Variants in FBXL2 observed in about 807,000 individuals in gnomAD.
FBXL2 encodes F-box/LRR-repeat protein 2.
Under a neutral mutation model 69.2 loss-of-function variants are expected in FBXL2, and 38 were observed. The ratio of observed to expected loss-of-function variants is 0.55; its 90% CI spans 0.42 to 0.72. FBXL2 has a LOEUF of 0.72. Ranked by LOEUF, FBXL2 falls within the 30% of genes least tolerant of loss-of-function variation. The pLI, the probability that FBXL2 is intolerant of heterozygous loss-of-function variation, is 0.00. For synonymous variants in FBXL2, 192 were observed against 201.3 expected, an observed-to-expected ratio of 0.95 and a Z score of 0.39; for missense variants, 354 against 520.3, an observed-to-expected ratio of 0.68 and a Z score of 3.11.
downstream of FBXL2, chr3:33,390,096 T>C (rs761221728): frequency 1.7e-4 from 84 of 497,604 alleles, no homozygotes; most frequent in Non-Finnish European, 2.8e-4. Context: ...CACCGTGGCC[T>C]CCAGAGCTGG....
At chr3:33,420,542 G>A in the FBXL2 span, among the ~76,000 whole-genome samples, 1 of 146,436 alleles carries the variant, frequency 6.8e-6, no homozygotes, top group South Asian at 2.2e-4. Flanking sequence ...AGGCTGGAGT[G>A]CAGTGGCACA....
intron 1 of FBXL2, among the ~76,000 whole-genome samples, chr3:33,279,808 CACA>C (rs1392112356): frequency 6.6e-6 from 1 of 152,006 alleles, no homozygotes; most frequent in African/African-American, 2.4e-5. Flanking sequence ...CGTAAATGAT[CACA>C]ACAACCTTGT....
At chr3:33,297,242 A>G (rs886404536) in intron 1 of FBXL2, among the ~76,000 whole-genome samples, 1 of 152,120 alleles carries the variant, frequency 6.6e-6, no homozygotes, top group African/African-American at 2.4e-5. Context: ...ATATAACTAT[A>G]TTGTATATTT....
intron 2 of FBXL2, among the ~76,000 whole-genome samples, chr3:33,357,280 C>T (rs2041267790): frequency 6.6e-6 from 1 of 152,020 alleles, no homozygotes; most frequent in South Asian, 2.1e-4. Flanking sequence ...GAACCCAATC[C>T]CTGCATGAAA....
chr3:33,356,641 C>T (rs2041224899), intron 2 of FBXL2, among the ~76,000 whole-genome samples: 1 of 152,110 alleles, frequency 6.6e-6, no homozygotes, highest in South Asian at 2.1e-4. Context: ...AGCCACTGTG[C>T]CCATCCTGCT....
downstream of FBXL2, chr3:33,389,224 T>C (rs1399012117): frequency 6.6e-6 from 1 of 152,642 alleles, no homozygotes; most frequent in African/African-American, 2.4e-5. Context: ...CCCTAAATCA[T>C]CACCAGAATG....
chr3:33,299,689 T>C (rs1260233387), intron 2 of FBXL2, among the ~76,000 whole-genome samples: 1 of 152,168 alleles, frequency 6.6e-6, no homozygotes, highest in East Asian at 1.9e-4. Flanking sequence ...TTTGACACTG[T>C]TGTCATGAGC....
intron 2 of FBXL2, among the ~76,000 whole-genome samples, chr3:33,338,882 G>A (rs1057317386): frequency 6.6e-6 from 1 of 152,036 alleles, no homozygotes; most frequent in Admixed American, 6.6e-5. Context: ...GCTTCATGAC[G>A]AAGGCTCCAA....
chr3:33,281,166 G>T (rs1272975975), intron 1 of FBXL2, among the ~76,000 whole-genome samples: 3 of 152,094 alleles, frequency 2.0e-5, no homozygotes, highest in Non-Finnish European at 4.4e-5. Flanking sequence ...TTTACATTAG[G>T]TATATCTCCT....
intron 12 of FBXL2, chr3:33,397,583 G>GT (rs1451998447): frequency 6.6e-6 from 1 of 152,476 alleles, no homozygotes; most frequent in African/African-American, 2.4e-5. Flanking sequence ...CCTAAAGTCT[G>GT]TAAGAGTTGG....
At chr3:33,345,730 A>G (rs969624501) in intron 2 of FBXL2, among the ~76,000 whole-genome samples, 5 of 152,240 alleles carry the variant, frequency 3.3e-5, no homozygotes, top group African/African-American at 1.2e-4. Flanking sequence ...CTAGAAATCA[A>G]TAACAGAAAG....
rs565963502 is a variant in FBXL2 at position 33,377,600 on chromosome 3, A to G, written c.849+267A>G. ...GGCAGGAGACTCCATTCCTCATTGG[A>G]CCCCAACTTGGCCTCTCAGCAGCTC... is the stretch of plus-strand genomic sequence containing the variant. On this transcript the variant is annotated intron_variant, in intron 11 of 14. Transcript: ENST00000484457. 1.2e-4 allele frequency among the ~76,000 whole-genome samples: 18 copies of G among 152,038 alleles called. No individual in the cohort carries two copies. The East Asian group carries it at 2.7e-3, about 23-fold the overall frequency.
At chr3:33,383,934 C>G (rs1406049691) in intron 13 of FBXL2, 55 bp from the exon 14 acceptor site, 1 of 1,568,218 alleles carries the variant, frequency 6.4e-7, no homozygotes, top group Non-Finnish European at 8.8e-7. Flanking sequence ...TTTTTTAGGA[C>G]TTGAGCCTTG....
intron 1 of FBXL2, among the ~76,000 whole-genome samples, chr3:33,289,435 A>G (rs1369882550): frequency 6.6e-6 from 1 of 152,238 alleles, no homozygotes; most frequent in Non-Finnish European, 1.5e-5. Flanking sequence ...GAAAAGTCAG[A>G]GAAGGTACAA....
At chr3:33,332,348 A>T (rs1381471338) in intron 2 of FBXL2, among the ~76,000 whole-genome samples, 3 of 152,254 alleles carry the variant, frequency 2.0e-5, no homozygotes, top group African/African-American at 7.2e-5. Flanking sequence ...ATAATGGTAC[A>T]GCCACTGCAG....
rs548714091 is a variant in FBXL2 at position 33,378,840 on chromosome 3, A to G, written c.951+99A>G. ...TTGGGTTCTCTTTCTGTAAGGTATC[A>G]TCTCTCTTGATTTCAAAAATCTATT... On this transcript the variant is annotated intron_variant, in intron 13 of 14. Transcript: ENST00000484457. 154 of 1,596,428 alleles carry G rather than the reference A, an allele frequency of 9.6e-5. 2 individuals carry two copies. The East Asian group carries it at 2.6e-3, about 27-fold the overall frequency.
chr3:33,358,217 A>G (rs1559599390), intron 2 of FBXL2, among the ~76,000 whole-genome samples: 1 of 152,102 alleles, frequency 6.6e-6, no homozygotes, highest in Non-Finnish European at 1.5e-5. Flanking sequence ...CCTTCTTCTC[A>G]CAGAAAAGCT....
At chr3:33,394,653 T>G (rs1385780305) in intron 12 of FBXL2, among the ~76,000 whole-genome samples, 1 of 152,134 alleles carries the variant, frequency 6.6e-6, no homozygotes, top group Admixed American at 6.5e-5. Context: ...ATATCATTAC[T>G]GAGAACTTTG....
chr3:33,373,553 A>G lies in FBXL2; in HGVS notation c.456-25A>G, dbSNP rs1435585194. On this transcript the variant is annotated intron_variant, in intron 7 of 14. Transcript: ENST00000484457. ...ACTCTCTACAGGAGAGACTGCACAT[A>G]AGTTTTTGTTTCTTGTTCTCTCAGT... 3 of 1,614,018 alleles carry G rather than the reference A, an allele frequency of 1.9e-6. No individual in the cohort carries two copies. The South Asian group carries it at 3.3e-5, about 18-fold the overall frequency.
Sources: gnomAD v4.1 joint callset for allele counts (sites outside exome capture counted in the v4.1 genomes callset) on GRCh38, gnomAD v4.1.1 for gene constraint, MANE v1.5 for transcripts, NCBI Gene and HGNC (gene_info 2026-07-23, HGNC 2026-07-21) for gene names.